CAMKMT: variants seen among roughly 807,000 people sequenced by gnomAD.
CAMKMT encodes calmodulin-lysine N-methyltransferase.
Under a neutral mutation model 48.0 loss-of-function variants are expected in CAMKMT, and 53 were observed. The ratio of observed to expected loss-of-function variants is 1.10; its 90% CI spans 0.89 to 1.39. The LOEUF is 1.39. Ranked by LOEUF, CAMKMT falls within the 40% of genes most tolerant of loss-of-function variation. The probability of loss-of-function intolerance (pLI) is 0.00; values close to 1 mark genes in which losing one functional copy is unlikely to be tolerated. For missense variants in CAMKMT, 428 were observed against 402.7 expected (o/e 1.06, Z -0.54); for synonymous variants, 165 against 152.3 (o/e 1.08, Z -0.61).
chr2:44,514,316 A>G (rs573718932), intron 3 of CAMKMT, among the ~76,000 whole-genome samples: 3 of 151,100 alleles, frequency 2.0e-5, no homozygotes, highest in African/African-American at 7.3e-5. Flanking sequence ...AACTTCTGCC[A>G]GACCTTGGTG....
intron 2 of CAMKMT, among the ~76,000 whole-genome samples, chr2:44,375,497 C>G (rs1237956720): frequency 6.6e-6 from 1 of 151,976 alleles, no homozygotes; most frequent in African/African-American, 2.4e-5. Flanking sequence ...AGAACTCTCA[C>G]CAGGCTGTGC....
chr2:44,382,770 C>A lies in CAMKMT; in HGVS notation c.312-7471C>A, dbSNP rs1014592600. 2.6e-5 allele frequency among the ~76,000 whole-genome samples: 4 copies of A among 152,200 alleles called. No homozygotes were observed. The South Asian group carries it at 6.2e-4, about 24-fold the overall frequency. ...CTGGGATTACAGGCGTGAGCCACCA[C>A]GCCCGGCCAACTTTTTTCATCTCAT... On this transcript the variant is annotated intron_variant, in intron 2 of 10. Coordinates refer to ENST00000378494, the MANE Select transcript of CAMKMT (RefSeq NM_024766.5).
At chr2:44,588,303 AGG>A (rs373872275) in intron 3 of CAMKMT, among the ~76,000 whole-genome samples, 973 of 41,566 alleles carry the variant, frequency 0.023, 69 homozygotes, top group African/African-American at 0.088. Flanking sequence ...TCCGGGAGGG[AGG>A]GGGGGGGTCA....
intron 3 of CAMKMT, among the ~76,000 whole-genome samples, chr2:44,534,395 C>T (rs1666653776): frequency 2.0e-5 from 3 of 152,212 alleles, no homozygotes; most frequent in South Asian, 4.2e-4. Context: ...GCTTTATAGA[C>T]ATTTATACAA....
At chr2:44,539,403 C>G (rs1666969205) in intron 3 of CAMKMT, among the ~76,000 whole-genome samples, 1 of 151,754 alleles carries the variant, frequency 6.6e-6, no homozygotes, top group Admixed American at 6.6e-5. Flanking sequence ...GACATGATAT[C>G]CCTTTACTTA....
chr2:44,757,042 G>T (rs1028897927), intron 9 of CAMKMT, among the ~76,000 whole-genome samples: 1 of 152,226 alleles, frequency 6.6e-6, no homozygotes, highest in Non-Finnish European at 1.5e-5. Flanking sequence ...GGCAAGGCTA[G>T]TGCCCACCTT....
chr2:44,722,454 A>G (rs1215451255), intron 7 of CAMKMT, among the ~76,000 whole-genome samples: 5 of 152,074 alleles, frequency 3.3e-5, no homozygotes, highest in African/African-American at 4.8e-5. Flanking sequence ...TTTAAATAGC[A>G]CTGACATAAT....
intron 3 of CAMKMT, among the ~76,000 whole-genome samples, chr2:44,465,478 C>A (rs1350194102): frequency 6.6e-6 from 1 of 151,662 alleles, no homozygotes; most frequent in East Asian, 1.9e-4. Context: ...TGCCTGTACT[C>A]CCAGCTACTC....
intron 3 of CAMKMT, among the ~76,000 whole-genome samples, chr2:44,396,667 C>G (rs867466581): frequency 1.3e-5 from 2 of 151,428 alleles, no homozygotes; most frequent in Non-Finnish European, 2.9e-5. Context: ...ATTAATTCTA[C>G]TTTTCCAGAG....
intron 3 of CAMKMT, among the ~76,000 whole-genome samples, chr2:44,569,015 C>G (rs1009844121): frequency 6.6e-6 from 1 of 152,182 alleles, no homozygotes; most frequent in African/African-American, 2.4e-5. Context: ...CCTGATGGCT[C>G]TGGCCATCAC....
chr2:44,749,037 A>C (rs1573225857), intron 8 of CAMKMT, among the ~76,000 whole-genome samples: 1 of 152,346 alleles, frequency 6.6e-6, no homozygotes, highest in East Asian at 1.9e-4. Flanking sequence ...GTTTTGGGAA[A>C]GATAAAGTCT....
intron 3 of CAMKMT, among the ~76,000 whole-genome samples, chr2:44,650,949 T>TA (rs1674026136): frequency 6.6e-6 from 1 of 151,940 alleles, no homozygotes; most frequent in African/African-American, 2.4e-5. Context: ...AAGACCCCAA[T>TA]AGCTAGCTGG....
chr2:44,708,249 A>G (rs1677677141), intron 6 of CAMKMT, among the ~76,000 whole-genome samples: 2 of 95,462 alleles, frequency 2.1e-5, no homozygotes, highest in African/African-American at 4.1e-5. Flanking sequence ...TGTGCCTTAC[A>G]TTTACATTAT....
chr2:44,687,286 A>G (rs150298426), intron 3 of CAMKMT, among the ~76,000 whole-genome samples: 198 of 152,332 alleles, frequency 1.3e-3, no homozygotes, highest in Middle Eastern at 3.4e-3. Flanking sequence ...ATGTGTATCT[A>G]TATCACTGTG....
At chr2:44,738,495 A>G (rs931455372) in intron 7 of CAMKMT, among the ~76,000 whole-genome samples, 2 of 152,256 alleles carry the variant, frequency 1.3e-5, no homozygotes, top group Non-Finnish European at 2.9e-5. Context: ...ATTTAACAAT[A>G]GAAACCTCTA....
At chr2:44,464,268 C>G (rs898010232) in intron 3 of CAMKMT, among the ~76,000 whole-genome samples, 1 of 152,122 alleles carries the variant, frequency 6.6e-6, no homozygotes, top group Non-Finnish European at 1.5e-5. Flanking sequence ...AAAGACAAGT[C>G]ATTTGAAATT....
chr2:44,604,271 G>A (rs1347679025), intron 3 of CAMKMT, among the ~76,000 whole-genome samples: 1 of 152,046 alleles, frequency 6.6e-6, no homozygotes, highest in East Asian at 1.9e-4. Context: ...TACTTTTCTT[G>A]TTTGTTTACT....
intron 3 of CAMKMT, among the ~76,000 whole-genome samples, chr2:44,451,011 C>G (rs921257876): frequency 2.0e-5 from 3 of 152,076 alleles, no homozygotes; most frequent in Admixed American, 1.3e-4. Context: ...ACTGGACATT[C>G]TTTGGAAGTG....
At chr2:44,419,722 A>G (rs1397680653) in intron 3 of CAMKMT, among the ~76,000 whole-genome samples, 1 of 152,158 alleles carries the variant, frequency 6.6e-6, no homozygotes, top group Non-Finnish European at 1.5e-5. Flanking sequence ...ACACAGGCGC[A>G]TGCTAAAAAT....
Sources: gnomAD v4.1 joint callset for allele counts (sites outside exome capture counted in the v4.1 genomes callset) on GRCh38, gnomAD v4.1.1 for gene constraint, MANE v1.5 for transcripts, NCBI Gene and HGNC (gene_info 2026-07-23, HGNC 2026-07-21) for gene names.